MACROD2: variants seen among roughly 807,000 people sequenced by gnomAD.
MACROD2 encodes the protein ADP-ribose glycohydrolase MACROD2.
MACROD2 carries 36 observed loss-of-function variants against 70.4 expected under a neutral mutation model. The ratio of observed to expected loss-of-function variants is 0.51; its 90% CI spans 0.39 to 0.68. MACROD2 has a LOEUF of 0.68. MACROD2 is among the 30% of genes least tolerant of loss of function. The pLI, the probability that MACROD2 is intolerant of heterozygous loss-of-function variation, is 0.00. For synonymous variants in MACROD2, 172 were observed against 178.8 expected, an observed-to-expected ratio of 0.96 and a Z score of 0.30; for missense variants, 496 against 538.4, an observed-to-expected ratio of 0.92 and a Z score of 0.78.
intron 7 of MACROD2, among the ~76,000 whole-genome samples, chr20:15,469,546 C>A (rs1264693318): frequency 6.6e-6 from 1 of 152,004 alleles, no homozygotes; most frequent in Non-Finnish European, 1.5e-5. Flanking sequence ...TCATGCCTGG[C>A]AGTTGGGTAC....
intron 8 of MACROD2, among the ~76,000 whole-genome samples, chr20:15,592,576 C>T (rs2048693743): frequency 6.6e-6 from 1 of 152,190 alleles, no homozygotes; most frequent in South Asian, 2.1e-4. Context: ...CCTTACTTTC[C>T]ACTGTCTAAC....
At chr20:15,897,960 T>G (rs2064999034) in intron 10 of MACROD2, among the ~76,000 whole-genome samples, 1 of 152,208 alleles carries the variant, frequency 6.6e-6, no homozygotes, top group Non-Finnish European at 1.5e-5. Flanking sequence ...TTACACTTGG[T>G]TTTCTAAGAT....
At chr20:15,446,361 T>C (rs1600421912) in intron 7 of MACROD2, among the ~76,000 whole-genome samples, 1 of 152,208 alleles carries the variant, frequency 6.6e-6, no homozygotes, top group East Asian at 1.9e-4. Flanking sequence ...TACCAAGGCA[T>C]AGGCAGCCTG....
intron 8 of MACROD2, among the ~76,000 whole-genome samples, chr20:15,686,676 C>T (rs1474343771): frequency 6.6e-6 from 1 of 151,978 alleles, no homozygotes; most frequent in Non-Finnish European, 1.5e-5. Context: ...AGTTCGAGAC[C>T]AGCCTGGCCA....
At chr20:15,970,780 A>G (rs1199272614) in intron 13 of MACROD2, among the ~76,000 whole-genome samples, 1 of 152,196 alleles carries the variant, frequency 6.6e-6, no homozygotes, top group Non-Finnish European at 1.5e-5. Context: ...TGAGAGAGTG[A>G]TAACTGGAGC....
At chr20:14,987,189 TA>T (rs1461050351) in intron 5 of MACROD2, among the ~76,000 whole-genome samples, 1 of 152,186 alleles carries the variant, frequency 6.6e-6, no homozygotes, top group Admixed American at 6.5e-5. Context: ...CTGTTAAAAG[TA>T]AGTATTTTTG....
chr20:14,034,209 T>C (rs1187139862), intron 2 of MACROD2, among the ~76,000 whole-genome samples: 1 of 152,028 alleles, frequency 6.6e-6, no homozygotes, highest in Non-Finnish European at 1.5e-5. Context: ...CTCCTGACCT[T>C]GTGATCCGCC....
rs534657389 is a variant in MACROD2, at chr20:15,989,800, T to C, written c.1153+2642T>C. On this transcript the variant is annotated intron_variant, in intron 15 of 17. Transcript: ENST00000684519. ...TATTCCTTCTCTTTTATTTTAAGAC[T>C]CCTTTTAAGGAGGCAGAAAGTGATT... Among the ~76,000 whole-genome samples, 5 of 148,450 alleles carry C rather than the reference T, an allele frequency of 3.4e-5. No individual in the cohort carries two copies. In the South Asian group the frequency reaches 1.1e-3, roughly 33 times the overall value.
intron 8 of MACROD2, among the ~76,000 whole-genome samples, chr20:15,551,351 A>C (rs188806149): frequency 6.6e-6 from 1 of 151,548 alleles, no homozygotes; most frequent in Non-Finnish European, 1.5e-5. Context: ...AAAAAAAAAA[A>C]ACTACATCTC....
intron 3 of MACROD2, chr20:14,324,990 T>A (rs2082711008): frequency 6.6e-6 from 1 of 152,626 alleles, no homozygotes; most frequent in Admixed American, 6.6e-5. Flanking sequence ...AGTTTGATAT[T>A]GCCCATTACT....
At chr20:15,976,542 A>T (rs190675793) in intron 13 of MACROD2, among the ~76,000 whole-genome samples, 2 of 152,330 alleles carry the variant, frequency 1.3e-5, no homozygotes, top group East Asian at 3.9e-4. Context: ...GGAATGTGAA[A>T]GGTCTGCATG....
intron 5 of MACROD2, among the ~76,000 whole-genome samples, chr20:14,869,524 C>T (rs1054837611): frequency 6.6e-6 from 1 of 152,118 alleles, no homozygotes; most frequent in Non-Finnish European, 1.5e-5. Context: ...AAAGCCGTGG[C>T]GCTGCCTATT....
chr20:14,930,828 A>G (rs1286459927), intron 5 of MACROD2, among the ~76,000 whole-genome samples: 1 of 143,784 alleles, frequency 7.0e-6, no homozygotes, highest in Non-Finnish European at 1.5e-5. Flanking sequence ...TCATTTTTTA[A>G]GTAATTTTTT....
chr20:15,087,953 A>G (rs1199270583), intron 5 of MACROD2, among the ~76,000 whole-genome samples: 2 of 152,058 alleles, frequency 1.3e-5, no homozygotes, highest in African/African-American at 4.8e-5. Flanking sequence ...AATAAAAACA[A>G]TAATGAAATT....
At chr20:15,992,952 G>A (rs192463907) in intron 15 of MACROD2, among the ~76,000 whole-genome samples, 1 of 152,112 alleles carries the variant, frequency 6.6e-6, no homozygotes, top group Admixed American at 6.5e-5. Context: ...AGATTAATGT[G>A]TACCTTCATC....
intron 10 of MACROD2, among the ~76,000 whole-genome samples, chr20:15,911,161 G>A (rs1375006264): frequency 6.6e-6 from 1 of 152,172 alleles, no homozygotes. Flanking sequence ...GCCCTGACTA[G>A]GTCTAGGACA....
At chr20:15,542,599 C>T (rs1341283455) in intron 8 of MACROD2, among the ~76,000 whole-genome samples, 2 of 152,088 alleles carry the variant, frequency 1.3e-5, no homozygotes, top group African/African-American at 2.4e-5. Context: ...ATTGAAAGGA[C>T]AGAATAAAAA....
At chr20:14,812,290 A>C (rs888834819) in intron 5 of MACROD2, among the ~76,000 whole-genome samples, 1 of 152,004 alleles carries the variant, frequency 6.6e-6, no homozygotes, top group Non-Finnish European at 1.5e-5. Flanking sequence ...TGAAGCTGGA[A>C]CCCATCATTC....
chr20:14,470,103 A>G (rs973399237), intron 3 of MACROD2, among the ~76,000 whole-genome samples: 1 of 151,552 alleles, frequency 6.6e-6, no homozygotes, highest in South Asian at 2.1e-4. Context: ...TGACCTTCTG[A>G]TGGGGTTTTT....
Sources: allele counts gnomAD v4.1 joint callset (sites outside exome capture counted in the v4.1 genomes callset), GRCh38; gene constraint gnomAD v4.1.1; transcripts MANE v1.5; gene names NCBI Gene and HGNC (gene_info 2026-07-23, HGNC 2026-07-21).